The following RIMS2 variants were observed in gnomAD, a reference collection of about 807,000 sequenced individuals.
RIMS2 encodes regulating synaptic membrane exocytosis protein 2.
Under a neutral mutation model 174.4 loss-of-function variants are expected in RIMS2, and 59 were observed. That is an observed-to-expected ratio of 0.34 (90% CI 0.27 to 0.42). The LOEUF (loss-of-function observed/expected upper bound fraction) is 0.42. Ranked by LOEUF, RIMS2 falls within the 10% of genes least tolerant of loss-of-function variation. RIMS2 has a pLI of 1.00. For missense variants in RIMS2, 1,620 were observed against 1,666.3 expected (o/e 0.97, Z 0.48); for synonymous variants, 606 against 572.5 (o/e 1.06, Z -0.84).
chr8:104,030,698 T>C (rs1456994303), intron 19 of RIMS2, among the ~76,000 whole-genome samples: 1 of 152,172 alleles, frequency 6.6e-6, no homozygotes, highest in African/African-American at 2.4e-5. Flanking sequence ...TAAATAACCA[T>C]ATGGCTAACT....
chr8:103,509,337 A>G (rs185938027), intron 1 of RIMS2, among the ~76,000 whole-genome samples: 1 of 152,234 alleles, frequency 6.6e-6, no homozygotes, highest in African/African-American at 2.4e-5. Flanking sequence ...ACTCCCATTG[A>G]TAACTTAGTC....
chr8:104,227,711 G>A (rs1455558453), intron 19 of RIMS2, among the ~76,000 whole-genome samples: 1 of 151,974 alleles, frequency 6.6e-6, no homozygotes, highest in Non-Finnish European at 1.5e-5. Context: ...GATGAATTTG[G>A]CCTGCCTGAT....
intron 19 of RIMS2, among the ~76,000 whole-genome samples, chr8:104,161,110 T>C (rs1012591009): frequency 5.3e-5 from 8 of 152,196 alleles, no homozygotes; most frequent in African/African-American, 1.9e-4. Flanking sequence ...GTCTAACATA[T>C]ACTAAGTTTC....
At chr8:103,852,695 A>G (rs895211976) in intron 3 of RIMS2, among the ~76,000 whole-genome samples, 2 of 152,008 alleles carry the variant, frequency 1.3e-5, no homozygotes, top group Admixed American at 6.6e-5. Flanking sequence ...GCTTAGGATT[A>G]TGGCCTCCAG....
At chr8:103,534,661 T>C (rs1038601358) in intron 1 of RIMS2, among the ~76,000 whole-genome samples, 2 of 152,216 alleles carry the variant, frequency 1.3e-5, no homozygotes, top group Non-Finnish European at 2.9e-5. Flanking sequence ...TTGCAATTGA[T>C]TTGGATCATT....
At chr8:103,958,591 A>T (rs1168167625) in intron 14 of RIMS2, among the ~76,000 whole-genome samples, 2 of 152,216 alleles carry the variant, frequency 1.3e-5, no homozygotes, top group African/African-American at 4.8e-5. Flanking sequence ...GCTTGAAAAA[A>T]TGCTATTCAT....
At chr8:103,816,622 C>T (rs1223955102) in intron 3 of RIMS2, among the ~76,000 whole-genome samples, 1 of 152,050 alleles carries the variant, frequency 6.6e-6, no homozygotes, top group African/African-American at 2.4e-5. Context: ...CATTTGAAAC[C>T]TTAAGGATGA....
chr8:103,924,424 A>G (rs1254595318), intron 10 of RIMS2, among the ~76,000 whole-genome samples: 2 of 151,678 alleles, frequency 1.3e-5, no homozygotes, highest in African/African-American at 4.8e-5. Context: ...TTTATATTTA[A>G]TCCTGTCTCT....
At chr8:103,594,730 G>T (rs10098692) in intron 1 of RIMS2, among the ~76,000 whole-genome samples, 27,617 of 151,680 alleles carry the variant, frequency 0.18, 2,754 homozygotes, top group African/African-American at 0.26. Flanking sequence ...AATTGTAAAT[G>T]TTTCTAACCT....
chr8:103,796,878 A>G (rs1031173229), intron 3 of RIMS2, among the ~76,000 whole-genome samples: 1 of 152,164 alleles, frequency 6.6e-6, no homozygotes, highest in Non-Finnish European at 1.5e-5. Flanking sequence ...GGCACAATTC[A>G]CTCAGATGTG....
At chr8:103,858,947 A>G (rs2099043436) in intron 3 of RIMS2, among the ~76,000 whole-genome samples, 1 of 152,058 alleles carries the variant, frequency 6.6e-6, no homozygotes, top group Non-Finnish European at 1.5e-5. Context: ...TTCAATCTGA[A>G]GTAGTTCTTT....
intron 3 of RIMS2, among the ~76,000 whole-genome samples, chr8:103,868,428 G>C (rs1329547700): frequency 1.3e-5 from 2 of 151,636 alleles, no homozygotes; most frequent in East Asian, 3.9e-4. Flanking sequence ...TTCCTTTATG[G>C]TTCCTGAACT....
intron 19 of RIMS2, among the ~76,000 whole-genome samples, chr8:104,086,957 T>G (rs2097546791): frequency 6.6e-6 from 1 of 152,128 alleles, no homozygotes; most frequent in Non-Finnish European, 1.5e-5. Flanking sequence ...GACCACTTGG[T>G]AACTTGAAAT....
At chr8:103,870,302 T>A (rs2099104375) in intron 3 of RIMS2, among the ~76,000 whole-genome samples, 1 of 151,942 alleles carries the variant, frequency 6.6e-6, no homozygotes, top group South Asian at 2.1e-4. Flanking sequence ...AGTGGATACA[T>A]GTAAAGTACC....
intron 19 of RIMS2, among the ~76,000 whole-genome samples, chr8:104,140,775 A>C (rs1029662037): frequency 6.6e-6 from 1 of 152,170 alleles, no homozygotes; most frequent in Admixed American, 6.5e-5. Context: ...GGAATCAATC[A>C]ATTTGTGGCA....
chr8:104,160,074 G>A (rs888104662), intron 19 of RIMS2, among the ~76,000 whole-genome samples: 1 of 152,060 alleles, frequency 6.6e-6, no homozygotes, highest in Non-Finnish European at 1.5e-5. Context: ...GGAAGGCAGA[G>A]GTTGCAGTGA....
intron 1 of RIMS2, among the ~76,000 whole-genome samples, chr8:103,537,458 G>A (rs1017998432): frequency 6.6e-6 from 1 of 152,168 alleles, no homozygotes; most frequent in Non-Finnish European, 1.5e-5. Context: ...AAGATCTAAT[G>A]TATTTGTCAA....
exon 5 of RIMS2, chr8:103,910,190 C>T (rs1178121214): frequency 2.5e-6 from 4 of 1,609,450 alleles, no homozygotes; most frequent in Non-Finnish European, 3.4e-6. Flanking sequence ...TGAGGCATCC[C>T]CAATGTCTTT....
At chr8:103,987,209 C>T (rs1298352953) in intron 16 of RIMS2, among the ~76,000 whole-genome samples, 1 of 151,608 alleles carries the variant, frequency 6.6e-6, no homozygotes, top group East Asian at 1.9e-4. Context: ...CCAGGCTAGA[C>T]TCGAACTCCT....
Sources: allele counts gnomAD v4.1 joint callset (sites outside exome capture counted in the v4.1 genomes callset), GRCh38; gene constraint gnomAD v4.1.1; transcripts MANE v1.5; gene names NCBI Gene and HGNC (gene_info 2026-07-23, HGNC 2026-07-21).